DLGAP2: variants seen among roughly 807,000 people sequenced by gnomAD.
DLGAP2 encodes DLG associated protein 2, also known as disks large-associated protein 2.
DLGAP2 carries 26 observed loss-of-function variants against 100.3 expected under a neutral mutation model. That is an observed-to-expected ratio of 0.26 (90% CI 0.19 to 0.36). The LOEUF is 0.36. Ranked by LOEUF, DLGAP2 falls within the 10% of genes least tolerant of loss-of-function variation. DLGAP2 has a pLI of 1.00. For synonymous variants in DLGAP2, 886 were observed against 630.1 expected (o/e 1.41, Z -6.08); for missense variants, 1,858 against 1,453.2 (o/e 1.28, Z -4.53).
At chr8:868,599 G>C (rs943922886) in intron 1 of DLGAP2, among the ~76,000 whole-genome samples, 3 of 152,234 alleles carry the variant, frequency 2.0e-5, no homozygotes, top group African/African-American at 7.2e-5. Flanking sequence ...ATGATCTAAA[G>C]AAGAGCTGCA....
intron 3 of DLGAP2, among the ~76,000 whole-genome samples, chr8:1,299,200 C>T (rs1800268804): frequency 6.6e-6 from 1 of 152,224 alleles, no homozygotes. Flanking sequence ...GTGGTGGGTA[C>T]TGTGCAGGGC....
At chr8:1,562,003 G>T (rs368613678) in intron 5 of DLGAP2, among the ~76,000 whole-genome samples, 7 of 34,256 alleles carry the variant, frequency 2.0e-4, no homozygotes, top group East Asian at 1.1e-3. Flanking sequence ...TTGGGGTGTC[G>T]GCGCCTCGTT....
chr8:1,388,787 A>G (rs112358222), intron 3 of DLGAP2, among the ~76,000 whole-genome samples: 983 of 57,274 alleles, frequency 0.017, 1 homozygote, highest in African/African-American at 0.053. Context: ...CGCTGGTTCA[A>G]GTGTCAGGGC....
chr8:881,940 C>T (rs895939660), intron 1 of DLGAP2, among the ~76,000 whole-genome samples: 1 of 152,050 alleles, frequency 6.6e-6, no homozygotes, highest in Non-Finnish European at 1.5e-5. Flanking sequence ...TTATTCATTC[C>T]AGGATATCTG....
intron 2 of DLGAP2, among the ~76,000 whole-genome samples, chr8:1,208,026 C>G (rs1437899650): frequency 2.6e-5 from 4 of 152,140 alleles, no homozygotes; most frequent in Non-Finnish European, 5.9e-5. Context: ...TGTCTGTTTA[C>G]TCTGCTGATT....
At chr8:794,423 T>G (rs1795983351) in intron 1 of DLGAP2, among the ~76,000 whole-genome samples, 1 of 152,224 alleles carries the variant, frequency 6.6e-6, no homozygotes, top group Non-Finnish European at 1.5e-5. Context: ...GCATATTTAT[T>G]AACAGCAAAC....
At position 1,490,706 on chromosome 8, in the gene DLGAP2, T is replaced by G. The variant is rs543562120; in HGVS notation, c.107-10660T>G. Among the ~76,000 whole-genome samples the G allele has an allele frequency of 1.2e-4, 18 of 152,242 alleles. No homozygotes were observed. The South Asian group carries it at 3.7e-3, about 32-fold the overall frequency. On this transcript the variant is annotated intron_variant, in intron 3 of 14. Transcript: ENST00000637795. ...TTGATTCACCTGTGGCACTGTCAAA[T>G]GAACTGACCTGGGCCCCACACCAGA...
chr8:1,322,220 C>T (rs1032666678), intron 3 of DLGAP2, among the ~76,000 whole-genome samples: 7 of 152,168 alleles, frequency 4.6e-5, no homozygotes, highest in Non-Finnish European at 5.9e-5. Context: ...TTCAGATGTA[C>T]ATCATTTAAT....
chr8:1,191,952 A>T (rs1248806848), intron 2 of DLGAP2, among the ~76,000 whole-genome samples: 1 of 152,204 alleles, frequency 6.6e-6, no homozygotes. Context: ...TCTCATGTGC[A>T]TGTGTAGCAA....
intron 2 of DLGAP2, among the ~76,000 whole-genome samples, chr8:1,080,290 G>A (rs1164170058): frequency 3.9e-5 from 6 of 152,156 alleles, no homozygotes; most frequent in Admixed American, 2.6e-4. Flanking sequence ...CCCGCCGCCC[G>A]CGTGCTGCTG....
intron 1 of DLGAP2, among the ~76,000 whole-genome samples, chr8:755,811 G>T (rs564324459): frequency 6.6e-6 from 1 of 152,234 alleles, no homozygotes; most frequent in Admixed American, 6.5e-5. Context: ...CAAAGTGCTG[G>T]GTGTTGGCTG....
intron 3 of DLGAP2, chr8:1,378,090 C>T (rs1305472154): frequency 6.4e-6 from 1 of 156,326 alleles, no homozygotes; most frequent in South Asian, 1.8e-4. Flanking sequence ...CTCAAGATAT[C>T]TGGACGCAGG....
intron 2 of DLGAP2, among the ~76,000 whole-genome samples, chr8:960,420 C>T (rs915342358): frequency 6.6e-6 from 1 of 151,328 alleles, no homozygotes; most frequent in African/African-American, 2.4e-5. Flanking sequence ...TTAGTAGAGA[C>T]GGAGTTTCAC....
intron 3 of DLGAP2, among the ~76,000 whole-genome samples, chr8:1,330,266 G>T (rs371900894): frequency 1.3e-5 from 2 of 149,430 alleles, no homozygotes; most frequent in East Asian, 4.0e-4. Flanking sequence ...CAGGGACTGA[G>T]TTCTGGGTGG....
At chr8:1,569,213 T>C (rs1008422585) in intron 6 of DLGAP2, among the ~76,000 whole-genome samples, 10 of 152,188 alleles carry the variant, frequency 6.6e-5, no homozygotes, top group Admixed American at 4.6e-4. Flanking sequence ...ATTGTCCACT[T>C]AGCAGAGATG....
chr8:999,145 A>C (rs1001413000), intron 2 of DLGAP2, among the ~76,000 whole-genome samples: 17 of 152,064 alleles, frequency 1.1e-4, no homozygotes, highest in African/African-American at 3.6e-4. Context: ...GTTATTCTGC[A>C]CAAAGTTGAG....
At chr8:1,107,342 C>T (rs1267469494) in intron 2 of DLGAP2, among the ~76,000 whole-genome samples, 1 of 152,180 alleles carries the variant, frequency 6.6e-6, no homozygotes, top group African/African-American at 2.4e-5. Context: ...GCACAGACCC[C>T]TTGCTGTTGC....
At chr8:902,114 C>T (rs1798264354) in intron 1 of DLGAP2, among the ~76,000 whole-genome samples, 1 of 152,352 alleles carries the variant, frequency 6.6e-6, no homozygotes, top group South Asian at 2.1e-4. Flanking sequence ...AGAAGCAAGA[C>T]ACAGGCTGGA....
rs747302948 is a variant in DLGAP2, at chr8:1,691,506, T to TTTTTTG, written c.2705-12_2705-7dup. On this transcript the variant is annotated intron_variant, in intron 12 of 14. Transcript: ENST00000637795. ...ATTGACCCAGTTTTGAAGTTGTTGTTTTTTTGTTTTTGTTTTTGTTTTAAA... is the reference window on the plus strand; with the variant it reads ...ATTGACCCAGTTTTGAAGTTGTTGTTTTTTTGTTTTTGTTTTTGTTTTTGTTTTAAA... 138 of 1,594,740 alleles carry TTTTTTG rather than the reference T, an allele frequency of 8.7e-5. No individual in the cohort carries two copies. In the South Asian group the frequency reaches 1.4e-3, roughly 16 times the overall value.
Sources: gnomAD v4.1 joint callset for allele counts (sites outside exome capture counted in the v4.1 genomes callset) on GRCh38, gnomAD v4.1.1 for gene constraint, MANE v1.5 for transcripts, NCBI Gene and HGNC (gene_info 2026-07-23, HGNC 2026-07-21) for gene names.